Variants in NRXN1 observed in about 807,000 individuals in gnomAD.
The protein encoded by NRXN1 is neurexin 1.
Under a neutral mutation model 150.9 loss-of-function variants are expected in NRXN1, and 39 were observed. The observed-to-expected ratio is 0.26, with a 90% CI of 0.20 to 0.34. The LOEUF (loss-of-function observed/expected upper bound fraction) is 0.34. Among genes scored for constraint, NRXN1 ranks in the 10% least tolerant of loss-of-function variants. The pLI is 1.00. For missense variants in NRXN1, 1,815 were observed against 1,949.9 expected (o/e 0.93, Z 1.30); for synonymous variants, 924 against 757.0 (o/e 1.22, Z -3.62).
At chr2:50,277,484 C>T (rs1215090450) in intron 17 of NRXN1, among the ~76,000 whole-genome samples, 3 of 145,322 alleles carry the variant, frequency 2.1e-5, no homozygotes, top group African/African-American at 7.7e-5. Flanking sequence ...TTTTTCCTTC[C>T]TTTCTTCCCT....
chr2:50,630,118 C>T (rs986659891), intron 5 of NRXN1, among the ~76,000 whole-genome samples: 2 of 151,636 alleles, frequency 1.3e-5, no homozygotes, highest in African/African-American at 4.8e-5. Flanking sequence ...ATATCCGACA[C>T]ACTATAACTT....
intron 18 of NRXN1, among the ~76,000 whole-genome samples, chr2:50,182,195 G>C (rs1217531240): frequency 6.7e-6 from 1 of 148,654 alleles, no homozygotes; most frequent in Non-Finnish European, 1.5e-5. Context: ...CTATCGGTTT[G>C]GCACAAAATC....
At chr2:50,203,429 G>C (rs1197568769) in intron 18 of NRXN1, among the ~76,000 whole-genome samples, 1 of 152,136 alleles carries the variant, frequency 6.6e-6, no homozygotes, top group African/African-American at 2.4e-5. Flanking sequence ...CATGTTTGAA[G>C]CATTTGAAAG....
chr2:50,154,249 T>C (rs1362141066), intron 18 of NRXN1, among the ~76,000 whole-genome samples: 3 of 151,660 alleles, frequency 2.0e-5, no homozygotes, highest in Non-Finnish European at 4.4e-5. Flanking sequence ...GACTACGCAT[T>C]GAGTACAATG....
At chr2:50,562,274 A>T (rs1669200686) in intron 8 of NRXN1, among the ~76,000 whole-genome samples, 1 of 152,058 alleles carries the variant, frequency 6.6e-6, no homozygotes, top group Non-Finnish European at 1.5e-5. Context: ...TATACCATTT[A>T]GTATATGTAT....
chr2:50,020,832 T>A (rs1687455485), intron 21 of NRXN1, among the ~76,000 whole-genome samples: 1 of 152,176 alleles, frequency 6.6e-6, no homozygotes, highest in Non-Finnish European at 1.5e-5. Flanking sequence ...AAAAATTTTA[T>A]TAAATCTCTA....
intron 17 of NRXN1, among the ~76,000 whole-genome samples, chr2:50,337,890 T>G (rs1167015397): frequency 6.6e-6 from 1 of 152,188 alleles, no homozygotes; most frequent in African/African-American, 2.4e-5. Context: ...TGTTGTATAG[T>G]CCAGTCATTA....
chr2:50,908,384 C>CAA (rs1553340773), intron 5 of NRXN1, among the ~76,000 whole-genome samples: 18 of 151,622 alleles, frequency 1.2e-4, no homozygotes, highest in African/African-American at 3.9e-4. Flanking sequence ...CACACACACA[C>CAA]AACCACACCC....
intron 5 of NRXN1, among the ~76,000 whole-genome samples, chr2:50,791,672 C>A (rs1046294617): frequency 6.6e-6 from 1 of 152,138 alleles, no homozygotes; most frequent in African/African-American, 2.4e-5. Flanking sequence ...AATTCCTCTG[C>A]AGCGTATTCA....
rs987242509 is a variant in NRXN1 at position 50,394,668 on chromosome 2, G to A, written c.3364+70774C>T. On this transcript the variant is annotated intron_variant, in intron 17 of 22. Transcript: ENST00000401669. ...TCCTCCCTCTTCTCTGCAATCTATTGTCCACACTGCAGCCAGAGTTATCTT... is the reference window on the plus strand; with the variant it reads ...TCCTCCCTCTTCTCTGCAATCTATTATCCACACTGCAGCCAGAGTTATCTT... Among the ~76,000 whole-genome samples the A allele has an allele frequency of 4.6e-5, 7 of 151,906 alleles. No homozygotes were observed. The South Asian group carries it at 1.2e-3, about 27-fold the overall frequency.
chr2:50,368,038 A>G (rs772295349), intron 17 of NRXN1, among the ~76,000 whole-genome samples: 11 of 152,164 alleles, frequency 7.2e-5, no homozygotes, highest in Non-Finnish European at 1.6e-4. Context: ...CCACTGTGGC[A>G]TAAGATCAAT....
intron 17 of NRXN1, among the ~76,000 whole-genome samples, chr2:50,255,491 T>A (rs1445012255): frequency 6.6e-6 from 1 of 152,182 alleles, no homozygotes; most frequent in Non-Finnish European, 1.5e-5. Context: ...AAATTCTATC[T>A]TTCTAGACTA....
intron 19 of NRXN1, among the ~76,000 whole-genome samples, chr2:50,075,442 A>C (rs2152675621): frequency 6.6e-6 from 1 of 152,320 alleles, no homozygotes; most frequent in South Asian, 2.1e-4. Flanking sequence ...CAGCCCAAGA[A>C]TAAATGCCTC....
At chr2:49,922,470 C>T (rs1251537578) in intron 22 of NRXN1, among the ~76,000 whole-genome samples, 1 of 152,100 alleles carries the variant, frequency 6.6e-6, no homozygotes, top group Non-Finnish European at 1.5e-5. Context: ...CTTCTTTCTT[C>T]ACAAATCAAT....
At chr2:50,525,031 T>C (rs905985660) in intron 12 of NRXN1, among the ~76,000 whole-genome samples, 2 of 152,208 alleles carry the variant, frequency 1.3e-5, no homozygotes, top group East Asian at 1.9e-4. Context: ...ACTAATGTCC[T>C]GTACAGAACC....
rs550433887 is a variant in NRXN1 at position 50,536,203 on chromosome 2, C to T, written c.2143+2050G>A. On this transcript the variant is annotated intron_variant, in intron 10 of 22. Coordinates refer to ENST00000401669, the MANE Select transcript of NRXN1 (RefSeq NM_001330078.2). ...CCTTTGCTTTCAGGAGGCACCCTAA[C>T]GTGAGCAAGAAAATTACTTCTGAAA... Among the ~76,000 whole-genome samples, 35 of 152,278 alleles carry T rather than the reference C, an allele frequency of 2.3e-4. 1 individual carries two copies. Among genetic ancestry groups the T allele is most frequent in the Admixed American group, 1.8e-3 (27 of 15,294 alleles).
intron 18 of NRXN1, among the ~76,000 whole-genome samples, chr2:50,203,634 G>C (rs1228386644): frequency 1.3e-5 from 2 of 152,078 alleles, no homozygotes; most frequent in Non-Finnish European, 2.9e-5. Flanking sequence ...CTATCACAAT[G>C]TTGTACAAGT....
At chr2:50,663,230 A>C (rs889388167) in intron 5 of NRXN1, among the ~76,000 whole-genome samples, 5 of 152,050 alleles carry the variant, frequency 3.3e-5, no homozygotes, top group African/African-American at 1.2e-4. Context: ...GCCTCCAAAG[A>C]AATTATTTTC....
chr2:50,475,498 T>G (rs1470612028), intron 15 of NRXN1, among the ~76,000 whole-genome samples: 2 of 152,152 alleles, frequency 1.3e-5, no homozygotes, highest in East Asian at 3.9e-4. Flanking sequence ...CCTATGTTTT[T>G]CTATTAAAAA....
Sources: gnomAD v4.1 joint callset for allele counts (sites outside exome capture counted in the v4.1 genomes callset) on GRCh38, gnomAD v4.1.1 for gene constraint, MANE v1.5 for transcripts, NCBI Gene and HGNC (gene_info 2026-07-23, HGNC 2026-07-21) for gene names.